The following NR5A2 variants were observed in gnomAD, a reference collection of about 807,000 sequenced individuals.
NR5A2 encodes nuclear receptor subfamily 5 group A member 2, also known as CYP7A promoter-binding factor.
A neutral mutation model predicts 62.7 loss-of-function variants in NR5A2; 26 were observed. The ratio of observed to expected loss-of-function variants is 0.41; its 90% CI spans 0.30 to 0.58. The LOEUF (loss-of-function observed/expected upper bound fraction) is 0.58, where lower values mean the gene tolerates loss of function less well. NR5A2 is among the 20% of genes least tolerant of loss of function. The pLI, the probability that NR5A2 is intolerant of heterozygous loss-of-function variation, is 0.22. For missense variants in NR5A2, 541 were observed against 669.1 expected, an observed-to-expected ratio of 0.81 and a Z score of 2.11; for synonymous variants, 246 against 241.7, an observed-to-expected ratio of 1.02 and a Z score of -0.16.
At chr1:200,054,250 G>A (rs1662806027) in intron 5 of NR5A2, 1 of 152,154 alleles carries the variant, frequency 6.6e-6, no homozygotes. Flanking sequence ...AGTGACCTAT[G>A]CTCTTGACTG....
At chr1:200,052,831 G>A (rs34125915) in intron 5 of NR5A2, among the ~76,000 whole-genome samples, 7,804 of 152,064 alleles carry the variant, frequency 0.051, 304 homozygotes, top group Admixed American at 0.11. Context: ...TAGTAGAGAC[G>A]GTGTTTCACC....
At chr1:200,043,143 T>C (rs959884935) in intron 2 of NR5A2, 4 of 359,402 alleles carry the variant, frequency 1.1e-5, no homozygotes, top group African/African-American at 4.4e-5. Flanking sequence ...CGTAAGGAGA[T>C]GAAAGTATCC....
intron 7 of NR5A2, among the ~76,000 whole-genome samples, chr1:200,159,321 G>A (rs891469418): frequency 2.0e-5 from 3 of 152,148 alleles, no homozygotes; most frequent in Non-Finnish European, 4.4e-5. Flanking sequence ...GGGAATCAGA[G>A]GTTCTCCAGA....
chr1:200,043,856 G>C lies in NR5A2; in HGVS notation c.285G>C (p.Gly95=), dbSNP rs1187644944. The change falls in exon 3 of 8, where the codon GGG becomes GGC. Residue 95 remains glycine, a synonymous_variant. Coordinates refer to ENST00000367362, the MANE Select transcript of NR5A2 (RefSeq NM_205860.3). Reference sequence around the variant, plus strand: ...CCGTGTGTGGAGATAAAGTGTCTGGGTACCATTATGGGCTCCTCACCTGTG... The same window carrying C: ...CCGTGTGTGGAGATAAAGTGTCTGGCTACCATTATGGGCTCCTCACCTGTG... ...LCPVCGDKVS[G]YHYGLLTCES... is the part of the protein sequence containing the mutation. 2 of 1,613,454 alleles carry C rather than the reference G, an allele frequency of 1.2e-6. No individual in the cohort carries two copies. Among genetic ancestry groups the C allele is most frequent in the African/African-American group, 2.7e-5 (2 of 74,908 alleles).
chr1:200,133,505 CTATA>C (rs138519275), intron 7 of NR5A2, among the ~76,000 whole-genome samples: 6 of 134,368 alleles, frequency 4.5e-5, no homozygotes, highest in African/African-American at 8.5e-5. Context: ...CACTGATGGA[CTATA>C]TATATATATA....
intron 2 of NR5A2, among the ~76,000 whole-genome samples, chr1:200,041,134 C>T (rs951139807): frequency 2.2e-4 from 34 of 152,308 alleles, no homozygotes; most frequent in East Asian, 3.9e-4. Flanking sequence ...AGGGCCTACC[C>T]TTGGGGTCGC....
intron 1 of NR5A2, among the ~76,000 whole-genome samples, chr1:200,035,749 A>C (rs1361752963): frequency 6.6e-6 from 1 of 152,166 alleles, no homozygotes; most frequent in Non-Finnish European, 1.5e-5. Flanking sequence ...CCGTCAATCA[A>C]CACTTTAAGA....
At chr1:200,046,401 T>C (rs1662365160) in intron 4 of NR5A2, among the ~76,000 whole-genome samples, 1 of 152,152 alleles carries the variant, frequency 6.6e-6, no homozygotes, top group Non-Finnish European at 1.5e-5. Context: ...TTGCTTTCCA[T>C]GGATTAAATA....
At chr1:200,144,231 TCTCA>T (rs1204144835) in intron 7 of NR5A2, among the ~76,000 whole-genome samples, 4 of 70,806 alleles carry the variant, frequency 5.6e-5, no homozygotes, top group Non-Finnish European at 8.9e-5. Context: ...TCTCTCTCTC[TCTCA>T]CACACACACA....
chr1:200,057,231 G>A (rs1437611016), intron 5 of NR5A2, among the ~76,000 whole-genome samples: 1 of 152,162 alleles, frequency 6.6e-6, no homozygotes, highest in Non-Finnish European at 1.5e-5. Context: ...TGGTAAAGGA[G>A]AAGAGAAGTA....
chr1:200,170,688 T>C (rs1455462334), intron 7 of NR5A2, among the ~76,000 whole-genome samples: 1 of 152,204 alleles, frequency 6.6e-6, no homozygotes, highest in East Asian at 1.9e-4. Flanking sequence ...ATAAGCACGT[T>C]TCCCTTAACA....
Position 200,033,991 on chromosome 1 carries a change from C to T in NR5A2, c.65-5667C>T, listed in dbSNP as rs185733749. On this transcript the variant is annotated intron_variant, in intron 1 of 7. Coordinates refer to ENST00000367362, the MANE Select transcript of NR5A2 (RefSeq NM_205860.3). Reference sequence around the variant, plus strand: ...CTGAAGGAAGAAGTTTGGTTGGATCCATCCCCTCGCTGCAAAAGCCGAGGA... The same window carrying T: ...CTGAAGGAAGAAGTTTGGTTGGATCTATCCCCTCGCTGCAAAAGCCGAGGA... Among the ~76,000 whole-genome samples the T allele has an allele frequency of 4.6e-5, 7 of 152,320 alleles. No homozygotes were observed. The East Asian group carries it at 1.4e-3, about 29-fold the overall frequency.
chr1:200,057,376 C>T (rs1662961926), intron 5 of NR5A2: 1 of 175,524 alleles, frequency 5.7e-6, no homozygotes, highest in Non-Finnish European at 1.2e-5. Context: ...AGTAAAAGAC[C>T]ATCGCTCTCG....
chr1:200,141,614 T>C (rs1667445596), intron 7 of NR5A2, among the ~76,000 whole-genome samples: 1 of 152,210 alleles, frequency 6.6e-6, no homozygotes, highest in Non-Finnish European at 1.5e-5. Flanking sequence ...TTCATTTCTC[T>C]TGGATAAATG....
At chr1:200,059,145 G>A (rs1394174246) in intron 5 of NR5A2, among the ~76,000 whole-genome samples, 2 of 151,994 alleles carry the variant, frequency 1.3e-5, no homozygotes, top group South Asian at 4.1e-4. Context: ...GGAGACCATC[G>A]TAGGAAACTG....
chr1:200,041,815 C>T (rs1447074537), intron 2 of NR5A2, among the ~76,000 whole-genome samples: 1 of 152,172 alleles, frequency 6.6e-6, no homozygotes, highest in Non-Finnish European at 1.5e-5. Context: ...CTACCTCATG[C>T]CTCGGTCTTT....
At chr1:200,077,071 T>G (rs1225926085) in intron 5 of NR5A2, among the ~76,000 whole-genome samples, 1 of 152,258 alleles carries the variant, frequency 6.6e-6, no homozygotes, top group East Asian at 1.9e-4. Context: ...TCTACTACTT[T>G]AGTGCCGTTT....
chr1:200,048,864 A>C lies in NR5A2; in HGVS notation c.1110+46A>C. 1 of 1,587,954 alleles carries C rather than the reference A, an allele frequency of 6.3e-7. No individual in the cohort carries two copies. The highest frequency in any genetic ancestry group is 8.6e-7 in the Non-Finnish European group (1 of 1,161,658). On this transcript the variant is annotated intron_variant, in intron 5 of 7. Coordinates refer to ENST00000367362, the MANE Select transcript of NR5A2 (RefSeq NM_205860.3). This position sits in a 1 kb window ranked among gnomAD's most constrained non-coding sequence, Gnocchi z 4.8. The stretch of plus-strand genomic sequence containing the variant: ...ACTTACAGCACCCCTTTTAAGAGAG[A>C]CCTAACTATGTTCCTAATTAATACA...
intron 5 of NR5A2, among the ~76,000 whole-genome samples, chr1:200,056,571 A>C (rs563949261): frequency 6.6e-6 from 1 of 152,214 alleles, no homozygotes; most frequent in Admixed American, 6.5e-5. Flanking sequence ...AAAGAAGTAA[A>C]TTTGCTTTAT....
Sources: gnomAD v4.1 joint callset for allele counts (sites outside exome capture counted in the v4.1 genomes callset) on GRCh38, gnomAD v4.1.1 for gene constraint, Gnocchi (gnomAD v3.1) non-coding constraint, MANE v1.5 for transcripts, NCBI Gene and HGNC (gene_info 2026-07-23, HGNC 2026-07-21) for gene names.